Variants in ROBO2 observed in about 807,000 individuals in gnomAD.
The protein encoded by ROBO2 is roundabout homolog 2.
ROBO2 carries 53 observed loss-of-function variants against 160.8 expected under a neutral mutation model. That is an observed-to-expected ratio of 0.33 (90% CI 0.26 to 0.41). ROBO2 has a LOEUF of 0.41. Ranked by LOEUF, ROBO2 falls within the 10% of genes least tolerant of loss-of-function variation. The pLI, the probability that ROBO2 is intolerant of heterozygous loss-of-function variation, is 1.00. For synonymous variants in ROBO2, 664 were observed against 611.7 expected, an observed-to-expected ratio of 1.09 and a Z score of -1.26; for missense variants, 1,577 against 1,722.4, an observed-to-expected ratio of 0.92 and a Z score of 1.49.
At chr3:76,561,717 T>A (rs116551818) in intron 2 of ROBO2, among the ~76,000 whole-genome samples, 1,885 of 152,212 alleles carry the variant, frequency 0.012, 53 homozygotes, top group African/African-American at 0.044. Context: ...AGCAAAAACA[T>A]GATTTACATT....
At chr3:76,332,913 A>C (rs1243264248) in intron 2 of ROBO2, among the ~76,000 whole-genome samples, 1 of 152,198 alleles carries the variant, frequency 6.6e-6, no homozygotes, top group East Asian at 1.9e-4. Flanking sequence ...ACAATTTTTC[A>C]CCTTCAGTGC....
chr3:76,097,589 A>T (rs78128954), intron 2 of ROBO2, among the ~76,000 whole-genome samples: 3,832 of 152,278 alleles, frequency 0.025, 145 homozygotes, highest in African/African-American at 0.08. Context: ...AGAAAATGTC[A>T]AAGAGTGGAG....
At position 77,256,437 on chromosome 3, in the gene ROBO2, C is replaced by G. The variant is rs1420911755; in HGVS notation, c.388+158097C>G. On this transcript the variant is annotated intron_variant, in intron 2 of 25. Coordinates refer to ENST00000461745, the Ensembl canonical transcript of ROBO2. ...TCCCTTTTATGCACAATGAAGATAA[C>G]ATTAACATCATTAAGAATAAATGGG... 2.0e-5 allele frequency among the ~76,000 whole-genome samples: 3 copies of G among 152,192 alleles called. No homozygotes were observed. In the East Asian group the frequency reaches 5.8e-4, roughly 29 times the overall value.
intron 2 of ROBO2, among the ~76,000 whole-genome samples, chr3:76,384,955 G>A (rs2076811470): frequency 6.6e-6 from 1 of 152,160 alleles, no homozygotes; most frequent in Admixed American, 6.5e-5. Context: ...CCATATTTCA[G>A]TTCTATATTA....
intron 21 of ROBO2, among the ~76,000 whole-genome samples, chr3:77,616,529 T>C (rs900218817): frequency 6.6e-6 from 1 of 152,168 alleles, no homozygotes; most frequent in African/African-American, 2.4e-5. Context: ...TGAGCTTGTT[T>C]ACAGCAGGAA....
At chr3:76,250,605 T>G (rs779078058) in intron 2 of ROBO2, among the ~76,000 whole-genome samples, 1 of 152,044 alleles carries the variant, frequency 6.6e-6, no homozygotes, top group Non-Finnish European at 1.5e-5. Context: ...TTGAACAGTT[T>G]CATATCCCTG....
intron 2 of ROBO2, among the ~76,000 whole-genome samples, chr3:76,876,416 T>G (rs1307688292): frequency 6.6e-6 from 1 of 152,202 alleles, no homozygotes; most frequent in East Asian, 1.9e-4. Flanking sequence ...GGCTCATGCC[T>G]GTAATCCCAG....
intron 22 of ROBO2, among the ~76,000 whole-genome samples, chr3:77,621,820 G>A (rs546992289): frequency 5.5e-4 from 84 of 152,240 alleles, no homozygotes; most frequent in South Asian, 1.2e-3. Flanking sequence ...ATAAGGGCCA[G>A]CAGGCAGCAT....
intron 2 of ROBO2, among the ~76,000 whole-genome samples, chr3:76,682,869 G>T (rs960136414): frequency 6.6e-6 from 1 of 152,134 alleles, no homozygotes; most frequent in Non-Finnish European, 1.5e-5. Context: ...AGGACATTCA[G>T]GGGTACACGT....
intron 22 of ROBO2, among the ~76,000 whole-genome samples, chr3:77,619,616 C>T (rs1283671126): frequency 6.6e-6 from 1 of 152,160 alleles, no homozygotes; most frequent in African/African-American, 2.4e-5. Flanking sequence ...CATTTTGGCT[C>T]TGTCACACAG....
At chr3:76,597,712 A>C (rs1419605982) in intron 2 of ROBO2, among the ~76,000 whole-genome samples, 1 of 151,680 alleles carries the variant, frequency 6.6e-6, no homozygotes, top group Non-Finnish European at 1.5e-5. Flanking sequence ...CCGCTTAAGC[A>C]GGCCCCAGTG....
chr3:76,723,935 T>C (rs1325034261), intron 2 of ROBO2, among the ~76,000 whole-genome samples: 1 of 152,106 alleles, frequency 6.6e-6, no homozygotes, highest in Non-Finnish European at 1.5e-5. Context: ...CATCACAAGC[T>C]CTCCAAACTA....
At chr3:76,420,618 C>T (rs1302896125) in intron 2 of ROBO2, among the ~76,000 whole-genome samples, 1 of 152,060 alleles carries the variant, frequency 6.6e-6, no homozygotes, top group Non-Finnish European at 1.5e-5. Flanking sequence ...ATATAGATCC[C>T]TTTTTGTTGC....
intron 2 of ROBO2, among the ~76,000 whole-genome samples, chr3:76,003,920 A>AT (rs1430100527): frequency 6.6e-6 from 1 of 152,234 alleles, no homozygotes; most frequent in Non-Finnish European, 1.5e-5. Flanking sequence ...CTATAATAAA[A>AT]TTACAGAAGA....
intron 2 of ROBO2, among the ~76,000 whole-genome samples, chr3:76,216,547 T>C (rs1416268211): frequency 6.6e-6 from 1 of 151,754 alleles, no homozygotes; most frequent in Non-Finnish European, 1.5e-5. Context: ...CCAACAAAGA[T>C]CAAAAGAGAC....
intron 2 of ROBO2, among the ~76,000 whole-genome samples, chr3:77,150,433 C>T (rs1253576366): frequency 6.6e-6 from 1 of 152,116 alleles, no homozygotes. Context: ...TTTATTTGTT[C>T]GTGTTTGACA....
rs191259762 is a variant in ROBO2, at chr3:77,361,923, G to A, written c.389-115491G>A. 7.2e-5 allele frequency among the ~76,000 whole-genome samples: 11 copies of A among 152,224 alleles called. No individual in the cohort carries two copies. The East Asian group carries it at 2.1e-3, about 29-fold the overall frequency. ...TTAATTCATTTTACAAATGTTCACCGAATGCCTAAAATGTCAGGTCCTAAG... is the reference window on the plus strand; with the variant it reads ...TTAATTCATTTTACAAATGTTCACCAAATGCCTAAAATGTCAGGTCCTAAG... On this transcript the variant is annotated intron_variant, in intron 2 of 25. Coordinates refer to ENST00000461745, the Ensembl canonical transcript of ROBO2.
At chr3:76,456,786 A>T (rs778786128) in intron 2 of ROBO2, among the ~76,000 whole-genome samples, 14 of 152,188 alleles carry the variant, frequency 9.2e-5, no homozygotes, top group Non-Finnish European at 1.6e-4. Context: ...TTACAGTTCC[A>T]CATGGCTGGG....
intron 2 of ROBO2, among the ~76,000 whole-genome samples, chr3:76,179,570 T>A (rs1347964015): frequency 6.6e-6 from 1 of 152,186 alleles, no homozygotes; most frequent in Admixed American, 6.5e-5. Context: ...CTCTTATACA[T>A]CACCATCTTC....
Sources: gnomAD v4.1 joint callset for allele counts (sites outside exome capture counted in the v4.1 genomes callset) on GRCh38, gnomAD v4.1.1 for gene constraint, MANE v1.5 for transcripts, NCBI Gene and HGNC (gene_info 2026-07-23, HGNC 2026-07-21) for gene names.